Variants in LRRC8A observed in about 807,000 individuals in gnomAD.
LRRC8A encodes the protein volume-regulated anion channel subunit LRRC8A.
LRRC8A carries 24 observed loss-of-function variants against 52.5 expected under a neutral mutation model. The ratio of observed to expected loss-of-function variants is 0.46; its 90% CI spans 0.33 to 0.64. The LOEUF (loss-of-function observed/expected upper bound fraction) is 0.64. LRRC8A is among the 30% of genes least tolerant of loss of function. The probability of loss-of-function intolerance (pLI) is 0.02; values close to 1 mark genes in which losing one functional copy is unlikely to be tolerated. For missense variants in LRRC8A, 677 were observed against 1,094.7 expected (o/e 0.62, Z 5.38); for synonymous variants, 492 against 494.2 (o/e 1.00, Z 0.06).
intron 2 of LRRC8A, among the ~76,000 whole-genome samples, chr9:128,906,132 C>T (rs545314209): frequency 3.3e-5 from 5 of 152,224 alleles, no homozygotes; most frequent in African/African-American, 1.2e-4. Flanking sequence ...ACTATACACA[C>T]ATGTGGAATT....
At position 128,908,845 on chromosome 9, in the gene LRRC8A, G is replaced by A. The variant is rs752652023; in HGVS notation, c.1681G>A (p.Val561Met). 2 of 1,613,766 alleles carry A rather than the reference G, an allele frequency of 1.2e-6. No homozygotes were observed. The highest frequency in any genetic ancestry group is 1.7e-5 in the Admixed American group (1 of 60,010). The change falls in exon 3 of 4, where the codon GTG (valine) becomes ATG (methionine). Residue 561 changes from valine to methionine, a missense_variant. Val to Met is a conservative substitution (Grantham distance 21). Coordinates refer to ENST00000372600, the MANE Select transcript of LRRC8A (RefSeq NM_019594.4). ...LKSNLSKLPQ[V>M]VTDVGVHLQK... ...GAGCAACCTAAGCAAGCTGCCACAG[G>A]TGGTCACAGATGTGGGCGTGCACCT...
chr9:128,902,032 G>A lies in LRRC8A; in HGVS notation c.-8-5125G>A, dbSNP rs1203107459. On this transcript the variant is annotated intron_variant, in intron 2 of 3. Coordinates refer to ENST00000372600, the MANE Select transcript of LRRC8A (RefSeq NM_019594.4). This position sits in a 1 kb window ranked among gnomAD's most constrained non-coding sequence, Gnocchi z 4.1. ...TCCAGACAGGTTACCCTTACCAGGG[G>A]TAGGCCCAGGCACCAGCCGGGCCAG... Among the ~76,000 whole-genome samples, 1 of 151,912 alleles carries A rather than the reference G, an allele frequency of 6.6e-6. No individual in the cohort carries two copies. The highest frequency in any genetic ancestry group is 1.5e-5 in the Non-Finnish European group (1 of 67,996).
At chr9:128,891,623 C>T (rs1839624745) in intron 2 of LRRC8A, among the ~76,000 whole-genome samples, 1 of 152,220 alleles carries the variant, frequency 6.6e-6, no homozygotes. Context: ...CCCAACACTG[C>T]CTTCTGGCCC....
At chr9:128,906,792 A>G (rs1307442766) in intron 2 of LRRC8A, among the ~76,000 whole-genome samples, 1 of 152,184 alleles carries the variant, frequency 6.6e-6, no homozygotes, top group Non-Finnish European at 1.5e-5. Context: ...CAATCTGTTC[A>G]TTAAATAGGT....
rs149345470 is a variant in LRRC8A, at chr9:128,898,942, G to A, written c.-8-8215G>A. The stretch of plus-strand genomic sequence containing the variant: ...AACCAAGGTGCTGAGAGGGGAAGGC[G>A]TCCTGGCTCCTGGATAGCCCCTCCC... On this transcript the variant is annotated intron_variant, in intron 2 of 3. Transcript: ENST00000372600. 2.8e-3 allele frequency among the ~76,000 whole-genome samples: 428 copies of A among 152,332 alleles called. 1 individual carries two copies. The highest frequency in any genetic ancestry group is 8.0e-3 in the African/African-American group (334 of 41,590).
In LRRC8A at chr9:128,908,199, G is replaced by A. The variant is rs760542928; in HGVS notation, c.1035G>A (p.Arg345=). ...ICMYTLWWML[R]RSLKKYSFES... is the part of the protein sequence containing the mutation. ...TGTATACACTGTGGTGGATGCTACG[G>A]CGCTCCCTCAAGAAGTACTCGTTTG... is the stretch of plus-strand genomic sequence containing the variant. Residue 345 remains arginine, a synonymous_variant, in exon 3 of 4, where the codon CGG becomes CGA. Coordinates refer to ENST00000372600, the MANE Select transcript of LRRC8A (RefSeq NM_019594.4). 9.3e-6 allele frequency: 15 copies of A among 1,613,888 alleles called. No homozygotes were observed. The African/African-American group carries it at 1.3e-4, about 14-fold the overall frequency.
chr9:128,906,784 A>G (rs572373041), intron 2 of LRRC8A, among the ~76,000 whole-genome samples: 1 of 152,258 alleles, frequency 6.6e-6, no homozygotes, highest in Non-Finnish European at 1.5e-5. Flanking sequence ...CCTCTGGTCA[A>G]TCTGTTCATT....
intron 2 of LRRC8A, among the ~76,000 whole-genome samples, chr9:128,905,543 G>A (rs372872870): frequency 3.6e-4 from 55 of 152,104 alleles, no homozygotes; most frequent in African/African-American, 1.3e-3. Flanking sequence ...CCAAAGTTAT[G>A]TGTTAAAAAT....
rs1230984244 is a variant in LRRC8A, at chr9:128,916,243, C to T, written c.2305C>T (p.Leu769=). The T allele has an allele frequency of 6.2e-7, 1 of 1,613,828 alleles. No homozygotes were observed. Among genetic ancestry groups the T allele is most frequent in the Non-Finnish European group, 8.5e-7 (1 of 1,179,982 alleles). ...IELRGNRLEC[L]PVELGECPLL... Reference sequence around the variant, plus strand: ...GCTGCGGGGCAACCGGCTGGAGTGCCTGCCTGTGGAGCTGGGCGAGTGCCC... The same window carrying T: ...GCTGCGGGGCAACCGGCTGGAGTGCTTGCCTGTGGAGCTGGGCGAGTGCCC... The change falls in exon 4 of 4, where the codon CTG becomes TTG. Residue 769 remains leucine, a synonymous_variant. Coordinates refer to ENST00000372600, the MANE Select transcript of LRRC8A (RefSeq NM_019594.4). This position sits in a 1 kb window ranked among gnomAD's most constrained non-coding sequence, Gnocchi z 6.1.
intron 2 of LRRC8A, among the ~76,000 whole-genome samples, chr9:128,903,412 C>CTTT (rs534139914): frequency 7.5e-6 from 1 of 132,460 alleles, no homozygotes; most frequent in Non-Finnish European, 1.6e-5. Context: ...AGGTGCTGTT[C>CTTT]TTTTTTTTTT....
At chr9:128,901,986 G>A (rs920947440) in intron 2 of LRRC8A, among the ~76,000 whole-genome samples, 1 of 152,188 alleles carries the variant, frequency 6.6e-6, no homozygotes, top group Non-Finnish European at 1.5e-5. Context: ...CAAGGAAACG[G>A]GTGCAGCTGG....
intron 3 of LRRC8A, among the ~76,000 whole-genome samples, chr9:128,913,397 G>A (rs1840646002): frequency 6.6e-6 from 1 of 152,172 alleles, no homozygotes; most frequent in Non-Finnish European, 1.5e-5. Context: ...TGAAGTCTCT[G>A]GGGAGGTAGG....
chr9:128,914,791 C>G (rs1268415404), intron 3 of LRRC8A, among the ~76,000 whole-genome samples: 1 of 152,232 alleles, frequency 6.6e-6, no homozygotes, highest in Non-Finnish European at 1.5e-5. Flanking sequence ...CTTACTTACA[C>G]GCAGTAAGAA....
In LRRC8A at chr9:128,913,706, C is replaced by T. The variant is rs146580172; in HGVS notation, c.2158-2390C>T. Among the ~76,000 whole-genome samples, 774 of 152,292 alleles carry T rather than the reference C, an allele frequency of 5.1e-3. 8 individuals carry two copies. Among genetic ancestry groups the T allele is most frequent in the African/African-American group, 0.015 (618 of 41,552 alleles). ...GCTTTCCCACTGTCCCTGACCACTGCATGTGTCAGCAGAGGAGATCACGGG... is the reference window on the plus strand; with the variant it reads ...GCTTTCCCACTGTCCCTGACCACTGTATGTGTCAGCAGAGGAGATCACGGG... On this transcript the variant is annotated intron_variant, in intron 3 of 3. Coordinates refer to ENST00000372600, the MANE Select transcript of LRRC8A (RefSeq NM_019594.4).
intron 2 of LRRC8A, among the ~76,000 whole-genome samples, chr9:128,905,298 C>T (rs938350057): frequency 1.3e-5 from 2 of 152,314 alleles, no homozygotes; most frequent in African/African-American, 4.8e-5. Context: ...TTTGCTGCTA[C>T]GCTTTTTTAC....
Position 128,905,635 on chromosome 9 carries a change from G to A in LRRC8A, c.-8-1522G>A, listed in dbSNP as rs184289170. Among the ~76,000 whole-genome samples the A allele has an allele frequency of 2.0e-5, 3 of 152,270 alleles. No individual in the cohort carries two copies. In the East Asian group the frequency reaches 5.8e-4, roughly 29 times the overall value. On this transcript the variant is annotated intron_variant, in intron 2 of 3. Transcript: ENST00000372600. ...TGAGACGGGCAGATCAGGAGGTAAA[G>A]GGATCGAGACCATCCTGGTCAACAT...
rs959702209 is a variant in LRRC8A, at chr9:128,911,989, G to A, written c.2157+2668G>A. Among the ~76,000 whole-genome samples, 4 of 152,232 alleles carry A rather than the reference G, an allele frequency of 2.6e-5. No homozygotes were observed. Among genetic ancestry groups the A allele is most frequent in the South Asian group, 2.1e-4 (1 of 4,832 alleles). On this transcript the variant is annotated intron_variant, in intron 3 of 3. Transcript: ENST00000372600. This position sits in a 1 kb window ranked among gnomAD's most constrained non-coding sequence, Gnocchi z 4.9. ...GGGCGTGGCCTGCCCACGCCCTTGCGTGCTGTTTCTCCAGATTTATACTCT... is the reference window on the plus strand; with the variant it reads ...GGGCGTGGCCTGCCCACGCCCTTGCATGCTGTTTCTCCAGATTTATACTCT...
At chr9:128,904,997 CAAAAAAAA>C (rs770042979) in intron 2 of LRRC8A, among the ~76,000 whole-genome samples, 4 of 29,846 alleles carry the variant, frequency 1.3e-4, no homozygotes, top group Non-Finnish European at 2.8e-4. Flanking sequence ...GACTCCGTCT[CAAAAAAAA>C]AAAAAAAAAA....
rs2130984064 is a variant in LRRC8A, at chr9:128,899,803, C to T, written c.-8-7354C>T. On this transcript the variant is annotated intron_variant, in intron 2 of 3. Coordinates refer to ENST00000372600, the MANE Select transcript of LRRC8A (RefSeq NM_019594.4). The surrounding 1 kb of genome is among the most constrained non-coding windows in gnomAD (Gnocchi z 4.0). ...TCAGTTTAACGAGATGAAGAGAGTT[C>T]TGTGTATGGTGGTGATGGTTGCACA... Among the ~76,000 whole-genome samples, 1 of 152,258 alleles carries T rather than the reference C, an allele frequency of 6.6e-6. No individual in the cohort carries two copies. The highest frequency in any genetic ancestry group is 2.1e-4 in the South Asian group (1 of 4,826).
Sources: gnomAD v4.1 joint callset for allele counts (sites outside exome capture counted in the v4.1 genomes callset) on GRCh38, gnomAD v4.1.1 for gene constraint, Gnocchi (gnomAD v3.1) non-coding constraint, MANE v1.5 for transcripts, NCBI Gene and HGNC (gene_info 2026-07-23, HGNC 2026-07-21) for gene names.